Variants in DPYSL2 observed in about 807,000 individuals in gnomAD.
The protein encoded by DPYSL2 is dihydropyrimidinase-related protein 2.
In DPYSL2, 13 loss-of-function variants were observed where a neutral mutation model predicts 69.9. The observed-to-expected ratio is 0.19, with a 90% confidence interval of 0.12 to 0.30. DPYSL2 has a LOEUF of 0.30. Ranked by LOEUF, DPYSL2 falls within the 10% of genes least tolerant of loss-of-function variation. DPYSL2 has a pLI of 1.00. For missense variants in DPYSL2, 587 were observed against 918.9 expected (o/e 0.64, Z 4.67); for synonymous variants, 326 against 359.1 (o/e 0.91, Z 1.04).
chr8:26,647,931 A>G lies in DPYSL2; in HGVS notation c.1596+131A>G. The G allele has an allele frequency of 2.8e-6, 3 of 1,088,462 alleles. No individual in the cohort carries two copies. The South Asian group carries it at 5.1e-5, about 19-fold the overall frequency. 67.4% of individuals were successfully genotyped at this position (1,088,462 alleles called of 1,614,324 possible). ...AATGCGCTCGACTGAGGATGTTATG[A>G]TTTGCAATTTGCTGGGAAAAGAATA... On this transcript the variant is annotated intron_variant, in intron 11 of 13. Transcript: ENST00000521913. The surrounding 1 kb of genome is among the most constrained non-coding windows in gnomAD (Gnocchi z 5.1).
At chr8:26,550,567 T>C (rs1800857873) in intron 1 of DPYSL2, among the ~76,000 whole-genome samples, 1 of 152,012 alleles carries the variant, frequency 6.6e-6, no homozygotes, top group South Asian at 2.1e-4. Context: ...AATATAAAAA[T>C]ACAGATAGAT....
intron 1 of DPYSL2, among the ~76,000 whole-genome samples, chr8:26,527,242 C>A (rs17055408): frequency 0.039 from 5,977 of 152,202 alleles, 391 homozygotes; most frequent in African/African-American, 0.14. Flanking sequence ...TTTTGTTTCT[C>A]AATATGCTGT....
At chr8:26,578,371 G>T (rs1030364387) in intron 1 of DPYSL2, 19 of 1,598,534 alleles carry the variant, frequency 1.2e-5, no homozygotes, top group Middle Eastern at 3.3e-4. Context: ...TTTTTAAAAA[G>T]GAGGGGAAAG....
At chr8:26,526,805 G>A (rs143252568) in intron 1 of DPYSL2, among the ~76,000 whole-genome samples, 2 of 152,326 alleles carry the variant, frequency 1.3e-5, no homozygotes, top group East Asian at 3.9e-4. Flanking sequence ...TGTGTTCCAC[G>A]GGGGATCCAT....
intron 1 of DPYSL2, among the ~76,000 whole-genome samples, chr8:26,534,631 TTTA>T (rs1188152560): frequency 2.0e-5 from 3 of 151,516 alleles, no homozygotes; most frequent in South Asian, 2.1e-4. Flanking sequence ...TTTTATTTTA[TTTA>T]TTATTATTAT....
At chr8:26,552,887 A>G (rs1310059392) in intron 1 of DPYSL2, among the ~76,000 whole-genome samples, 3 of 152,190 alleles carry the variant, frequency 2.0e-5, no homozygotes, top group Non-Finnish European at 4.4e-5. Flanking sequence ...AAACATTCAA[A>G]CCATAGCATT....
chr8:26,628,857 C>CT (rs1802675569), intron 7 of DPYSL2, among the ~76,000 whole-genome samples: 1 of 152,188 alleles, frequency 6.6e-6, no homozygotes. Flanking sequence ...CACTGAGTCA[C>CT]TGAGTGTCAG....
At chr8:26,572,687 A>C (rs563492880) in intron 1 of DPYSL2, among the ~76,000 whole-genome samples, 52 of 152,046 alleles carry the variant, frequency 3.4e-4, no homozygotes, top group Non-Finnish European at 4.9e-4. Flanking sequence ...TTTAGTAGAG[A>C]TGGGGTTTCT....
rs576621730 is a variant in DPYSL2, at chr8:26,610,882, G to A, written c.629-13261G>A. 2.6e-5 allele frequency among the ~76,000 whole-genome samples: 4 copies of A among 152,296 alleles called. No homozygotes were observed. In the South Asian group the frequency reaches 8.3e-4, roughly 32 times the overall value. ...CTATTTCAGAACAATGCTGTGAGTAGATACTATTATTAGGTCCATTTCACA... is the reference window on the plus strand; with the variant it reads ...CTATTTCAGAACAATGCTGTGAGTAAATACTATTATTAGGTCCATTTCACA... On this transcript the variant is annotated intron_variant, in intron 3 of 13. Transcript: ENST00000521913. This position sits in a 1 kb window ranked among gnomAD's most constrained non-coding sequence, Gnocchi z 4.5.
chr8:26,626,758 G>A lies in DPYSL2; in HGVS notation c.855+80G>A, dbSNP rs184777088. The A allele has an allele frequency of 9.2e-6, 13 of 1,415,932 alleles. No homozygotes were observed. The highest frequency in any genetic ancestry group is 2.3e-5 in the East Asian group (1 of 43,896). The allele number at this position is 1,415,932 out of a possible 1,614,324, so 87.7% of individuals were successfully genotyped here. A position where few individuals can be genotyped will look rare whatever the true frequency, so the allele number is the denominator to read the frequency against. Reference sequence around the variant, plus strand: ...GTGGCCGTTTGGGAAAGCAGTCTCCGATGTATGCATGTTTCCTAGCTTCCT... The same window carrying A: ...GTGGCCGTTTGGGAAAGCAGTCTCCAATGTATGCATGTTTCCTAGCTTCCT... On this transcript the variant is annotated intron_variant, in intron 5 of 13. Coordinates refer to ENST00000521913, the MANE Select transcript of DPYSL2 (RefSeq NM_001197293.3). The surrounding 1 kb of genome is among the most constrained non-coding windows in gnomAD (Gnocchi z 4.3).
rs1339458446 is a variant in DPYSL2, at chr8:26,620,635, A to G, written c.629-3508A>G. On this transcript the variant is annotated intron_variant, in intron 3 of 13. Transcript: ENST00000521913. This position sits in a 1 kb window ranked among gnomAD's most constrained non-coding sequence, Gnocchi z 4.5. Reference sequence around the variant, plus strand: ...ATGAGTGAATTTAAAACATTATTAGATATGTTATCTAGTAATAATAATGAT... The same window carrying G: ...ATGAGTGAATTTAAAACATTATTAGGTATGTTATCTAGTAATAATAATGAT... Among the ~76,000 whole-genome samples, 1 of 152,140 alleles carries G rather than the reference A, an allele frequency of 6.6e-6. No homozygotes were observed. Among genetic ancestry groups the G allele is most frequent in the Non-Finnish European group, 1.5e-5 (1 of 68,034 alleles).
chr8:26,630,393 TCCCA>T (rs1802741763), intron 7 of DPYSL2, among the ~76,000 whole-genome samples: 2 of 152,032 alleles, frequency 1.3e-5, no homozygotes, highest in Admixed American at 6.5e-5. Flanking sequence ...AGGGCTTTGT[TCCCA>T]GGGCTTTGTT....
At chr8:26,600,561 A>G (rs1466425417) in intron 3 of DPYSL2, among the ~76,000 whole-genome samples, 1 of 152,108 alleles carries the variant, frequency 6.6e-6, no homozygotes, top group African/African-American at 2.4e-5. Context: ...GTACTCATTC[A>G]CTGACCCCTA....
In DPYSL2 at chr8:26,558,549, A is replaced by T. The variant is rs998218707; in HGVS notation, c.355-23420A>T. Among the ~76,000 whole-genome samples the T allele has an allele frequency of 9.9e-5, 15 of 152,232 alleles. 1 individual carries two copies. Among genetic ancestry groups the T allele is most frequent in the African/African-American group, 3.1e-4 (13 of 41,452 alleles). On this transcript the variant is annotated intron_variant, in intron 1 of 13. Transcript: ENST00000521913. ...TTACCTTTTTAAAACCATGGAATAT[A>T]CAAACTCCCAAGAGTGAGCCCTAAT... is the stretch of plus-strand genomic sequence containing the variant.
chr8:26,528,569 C>A (rs546235375), intron 1 of DPYSL2, among the ~76,000 whole-genome samples: 96 of 151,866 alleles, frequency 6.3e-4, no homozygotes, highest in African/African-American at 2.2e-3. Context: ...ATCGCTTGAA[C>A]CCGGTGGGTG....
intron 1 of DPYSL2, among the ~76,000 whole-genome samples, chr8:26,518,646 C>T (rs1477598560): frequency 6.6e-6 from 1 of 152,158 alleles, no homozygotes; most frequent in Non-Finnish European, 1.5e-5. Context: ...ATTCTCTTTT[C>T]TGTCTCTGCC....
At chr8:26,515,228 C>T (rs547552359) in intron 1 of DPYSL2, among the ~76,000 whole-genome samples, 5 of 152,216 alleles carry the variant, frequency 3.3e-5, no homozygotes, top group Non-Finnish European at 7.3e-5. Flanking sequence ...CCCCGGACCC[C>T]CTCCGAGCAC....
chr8:26,634,244 G>A (rs1344721747), intron 7 of DPYSL2, among the ~76,000 whole-genome samples: 2 of 152,198 alleles, frequency 1.3e-5, no homozygotes, highest in African/African-American at 4.8e-5. Context: ...CCTGCACCTG[G>A]AGAAGGGTCA....
Position 26,634,933 on chromosome 8 carries a change from G to A in DPYSL2, c.1126+33G>A, listed in dbSNP as rs760066736. 6 of 1,612,874 alleles carry A rather than the reference G, an allele frequency of 3.7e-6. No individual in the cohort carries two copies. The East Asian group carries it at 6.7e-5, about 18-fold the overall frequency. On this transcript the variant is annotated intron_variant, in intron 8 of 13. Transcript: ENST00000521913. ...CTGTGGCCGGACTGGCTGATGGCAG[G>A]TGGGGAGGTTTGGAGGGGAGGGGGG... is the stretch of plus-strand genomic sequence containing the variant.
Sources: gnomAD v4.1 joint callset for allele counts (sites outside exome capture counted in the v4.1 genomes callset) on GRCh38, gnomAD v4.1.1 for gene constraint, Gnocchi (gnomAD v3.1) non-coding constraint, MANE v1.5 for transcripts, NCBI Gene and HGNC (gene_info 2026-07-23, HGNC 2026-07-21) for gene names.